The following SEL1L3 variants were observed in gnomAD, a reference collection of about 807,000 sequenced individuals.
SEL1L3 encodes the protein SEL1L family member 3.
Under a neutral mutation model 142.8 loss-of-function variants are expected in SEL1L3, and 76 were observed. The observed-to-expected ratio is 0.53, with a 90% CI of 0.44 to 0.64. The LOEUF is 0.64. SEL1L3 is among the 30% of genes least tolerant of loss of function. The pLI is 0.00. For synonymous variants in SEL1L3, 504 were observed against 519.6 expected (o/e 0.97, Z 0.41); for missense variants, 1,262 against 1,381.7 (o/e 0.91, Z 1.37).
intron 15 of SEL1L3, among the ~76,000 whole-genome samples, chr4:25,780,583 G>A: frequency 6.6e-6 from 1 of 151,672 alleles, no homozygotes; most frequent in East Asian, 1.9e-4. Context: ...CTTCTGGAAT[G>A]TTCTCCTAGA....
chr4:25,721,461 A>C, the SEL1L3 span, among the ~76,000 whole-genome samples: 1 of 152,064 alleles, frequency 6.6e-6, no homozygotes, highest in African/African-American at 2.4e-5. Context: ...TCTCGGTAGA[A>C]AGATAGAAAA....
chr4:25,758,949 C>T lies in SEL1L3; in HGVS notation c.3075G>A (p.Leu1025=). The T allele has an allele frequency of 1.2e-6, 2 of 1,613,552 alleles. No homozygotes were observed. Among genetic ancestry groups the T allele is most frequent in the Non-Finnish European group, 1.7e-6 (2 of 1,179,752 alleles). Residue 1025 remains leucine (L), a synonymous_variant, in exon 21 of 24, where the codon CTG becomes CTA. Transcript: ENST00000399878. ...AGAGGCTCTGAGCTCACCTTTCGTA[C>T]AGTTCCTGGAGAATGGAGATGTTAT... ...HSNNISILQE[L]YERCWSHSNE...
At chr4:25,856,377 A>G (rs1717256453) in intron 1 of SEL1L3, among the ~76,000 whole-genome samples, 1 of 152,154 alleles carries the variant, frequency 6.6e-6, no homozygotes, top group Non-Finnish European at 1.5e-5. Context: ...TGCCCCTCAA[A>G]TTATGTGGTT....
chr4:25,742,745 G>C (rs1717156133), downstream of SEL1L3, among the ~76,000 whole-genome samples: 1 of 152,064 alleles, frequency 6.6e-6, no homozygotes, highest in African/African-American at 2.4e-5. Flanking sequence ...AGTTATTGCT[G>C]GTGTAGGAAA....
intron 12 of SEL1L3, among the ~76,000 whole-genome samples, chr4:25,789,264 C>T (rs537076155): frequency 1.4e-3 from 209 of 152,180 alleles, no homozygotes; most frequent in African/African-American, 4.8e-3. Flanking sequence ...AGGAAGACCC[C>T]TATAGAGAGG....
At chr4:25,755,773 T>C (rs73258089) in intron 23 of SEL1L3, 24,172 of 704,400 alleles carry the variant, frequency 0.034, 494 homozygotes, top group Non-Finnish European at 0.039. Flanking sequence ...CCAGCTGGCA[T>C]AAAATCACAA....
chr4:25,818,891 C>T (rs1048108853), intron 8 of SEL1L3, among the ~76,000 whole-genome samples: 4 of 152,224 alleles, frequency 2.6e-5, no homozygotes, highest in Non-Finnish European at 4.4e-5. Context: ...ACTCACCTGT[C>T]ACCATCTGTA....
intron 1 of SEL1L3, 126 bp downstream of exon 1, chr4:25,862,549 C>G: frequency 2.2e-6 from 1 of 455,226 alleles, no homozygotes; most frequent in East Asian, 4.4e-5. Flanking sequence ...CGGGGCGCAG[C>G]GACGAGGAAG....
intron 9 of SEL1L3, among the ~76,000 whole-genome samples, chr4:25,812,837 A>T (rs571862886): frequency 5.3e-5 from 8 of 152,170 alleles, no homozygotes; most frequent in African/African-American, 1.9e-4. Flanking sequence ...ACATGGCAAA[A>T]CCCCATCTCT....
intron 3 of SEL1L3, 102 bp downstream of exon 3, chr4:25,835,095 C>A: frequency 2.1e-6 from 3 of 1,421,940 alleles, no homozygotes; most frequent in Non-Finnish European, 2.9e-6. Flanking sequence ...AACACCTTAC[C>A]AAGAAGGTGT....
intron 23 of SEL1L3, among the ~76,000 whole-genome samples, chr4:25,751,630 ATATATT>A (rs1717595572): frequency 1.3e-5 from 2 of 150,396 alleles, no homozygotes; most frequent in South Asian, 4.2e-4. Flanking sequence ...GAAAGAATAC[ATATATT>A]TATATGTATT....
chr4:25,758,841 T>C (rs945482531), intron 21 of SEL1L3, 100 bp downstream of exon 21: 3 of 1,260,744 alleles, frequency 2.4e-6, no homozygotes, highest in Non-Finnish European at 3.3e-6. Context: ...AAATAACAAT[T>C]TACATTACAA....
Position 25,788,569 on chromosome 4 carries a change from CGTGTGTGTGTGTGTGTGTGTGTGTGT to C in SEL1L3, c.2077-231_2077-206del, listed in dbSNP as rs58435041. On this transcript the variant is annotated intron_variant, in intron 12 of 23. Coordinates refer to ENST00000399878, the MANE Select transcript of SEL1L3 (RefSeq NM_015187.5). This position sits in a 1 kb window ranked among gnomAD's most constrained non-coding sequence, Gnocchi z 5.3. Reference sequence around the variant, plus strand: ...CCCTTAATGCAAGCCAGAAATGGTTCGTGTGTGTGTGTGTGTGTGTGTGTGTGTGTGTGTGTGTGTGTGTGTGTGTG... The same window carrying C: ...CCCTTAATGCAAGCCAGAAATGGTTCGTGTGTGTGTGTGTGTGTGTGTGTG... Among the ~76,000 whole-genome samples, 11 of 139,954 alleles carry C rather than the reference CGTGTGTGTGTGTGTGTGTGTGTGTGT, an allele frequency of 7.9e-5. No homozygotes were observed. The highest frequency in any genetic ancestry group is 7.3e-4 in the South Asian group (3 of 4,088). 91.8% of individuals were successfully genotyped at this position (139,954 alleles called of 152,430 possible).
chr4:25,771,262 C>G, intron 17 of SEL1L3, among the ~76,000 whole-genome samples: 1 of 152,196 alleles, frequency 6.6e-6, no homozygotes, highest in East Asian at 1.9e-4. Flanking sequence ...GAGCTTCAAG[C>G]TTTATTTCCA....
chr4:25,844,464 A>G (rs1400693206), intron 2 of SEL1L3, among the ~76,000 whole-genome samples: 1 of 152,136 alleles, frequency 6.6e-6, no homozygotes, highest in Non-Finnish European at 1.5e-5. Context: ...TCTCACTCCT[A>G]AGGTAATGCT....
chr4:25,812,448 A>G (rs1172419266), intron 9 of SEL1L3, among the ~76,000 whole-genome samples: 1 of 152,242 alleles, frequency 6.6e-6, no homozygotes, highest in Non-Finnish European at 1.5e-5. Context: ...GGTTGGGCAC[A>G]GGGGCTCACA....
At chr4:25,746,086 G>A (rs1268277572), downstream of SEL1L3, among the ~76,000 whole-genome samples, 1 of 152,178 alleles carries the variant, frequency 6.6e-6, no homozygotes, top group African/African-American at 2.4e-5. Flanking sequence ...CTTGGCAGGA[G>A]GTGATTGGAT....
intron 9 of SEL1L3, 29 bp from the exon 10 acceptor site, chr4:25,804,781 CAATT>C: frequency 1.4e-6 from 2 of 1,456,414 alleles, no homozygotes; most frequent in Non-Finnish European, 1.9e-6. Context: ...AGAGCACACA[CAATT>C]AATTACCATG....
intron 11 of SEL1L3, among the ~76,000 whole-genome samples, chr4:25,799,737 T>C (rs1713046240): frequency 6.6e-6 from 1 of 152,170 alleles, no homozygotes; most frequent in Non-Finnish European, 1.5e-5. Flanking sequence ...CTGAGGTGTT[T>C]GCAGGGAATG....
Sources: gnomAD v4.1 joint callset for allele counts (sites outside exome capture counted in the v4.1 genomes callset) on GRCh38, gnomAD v4.1.1 for gene constraint, Gnocchi (gnomAD v3.1) non-coding constraint, MANE v1.5 for transcripts, NCBI Gene and HGNC (gene_info 2026-07-23, HGNC 2026-07-21) for gene names.